Variants in NAA60 observed in about 807,000 individuals in gnomAD.
NAA60 encodes the protein N-alpha-acetyltransferase 60, NatF catalytic subunit.
In NAA60, 8 loss-of-function variants were observed where a neutral mutation model predicts 26.1. The ratio of observed to expected loss-of-function variants is 0.31; its 90% CI spans 0.18 to 0.55. The LOEUF (loss-of-function observed/expected upper bound fraction) is 0.55, where lower values mean the gene tolerates loss of function less well. Ranked by LOEUF, NAA60 falls within the 20% of genes least tolerant of loss-of-function variation. The pLI is 0.93. For synonymous variants in NAA60, 131 were observed against 122.5 expected (o/e 1.07, Z -0.46); for missense variants, 290 against 311.3 (o/e 0.93, Z 0.51).
At chr16:3,464,791 C>T (rs899845354) in intron 2 of NAA60, among the ~76,000 whole-genome samples, 3 of 152,158 alleles carry the variant, frequency 2.0e-5, no homozygotes, top group Non-Finnish European at 4.4e-5. Flanking sequence ...AAATATATTC[C>T]AGGCACAACC....
chr16:3,471,022 T>G (rs1247218471), intron 2 of NAA60, among the ~76,000 whole-genome samples: 1 of 152,198 alleles, frequency 6.6e-6, no homozygotes, highest in Non-Finnish European at 1.5e-5. Context: ...GCACTTTTAG[T>G]AGGGATTTGA....
At chr16:3,464,596 A>T (rs772514688) in intron 2 of NAA60, among the ~76,000 whole-genome samples, 2 of 152,136 alleles carry the variant, frequency 1.3e-5, no homozygotes, top group African/African-American at 2.4e-5. Context: ...GAACAGACAG[A>T]TTCTTGGTTG....
intron 2 of NAA60, among the ~76,000 whole-genome samples, chr16:3,471,592 T>C (rs762706257): frequency 3.9e-5 from 6 of 152,136 alleles, no homozygotes; most frequent in Non-Finnish European, 8.8e-5. Flanking sequence ...GTCAAGGCCT[T>C]GCCAACCCCA....
chr16:3,463,723 A>T (rs928048694), intron 2 of NAA60, among the ~76,000 whole-genome samples: 1 of 151,622 alleles, frequency 6.6e-6, no homozygotes, highest in East Asian at 1.9e-4. Context: ...AAAAAAATTC[A>T]ACCTAGACTT....
At chr16:3,446,206 A>G (rs1340363753) in intron 1 of NAA60, among the ~76,000 whole-genome samples, 1 of 152,182 alleles carries the variant, frequency 6.6e-6, no homozygotes, top group Non-Finnish European at 1.5e-5. Context: ...TAAAACTAAC[A>G]TCATTACAAA....
chr16:3,471,460 G>A lies in NAA60; in HGVS notation c.-6-4762G>A, dbSNP rs61082524. Among the ~76,000 whole-genome samples, 37 of 152,182 alleles carry A rather than the reference G, an allele frequency of 2.4e-4. 1 individual carries two copies. The East Asian group carries it at 7.0e-3, about 29-fold the overall frequency. ...GGAGCTTGCAGTGAACCGAGATCGC[G>A]CCAGTGCACTCCAGCCTTGGGGGGC... On this transcript the variant is annotated intron_variant, in intron 2 of 7. Transcript: ENST00000407558.
chr16:3,474,612 C>A (rs1002442295), intron 2 of NAA60, among the ~76,000 whole-genome samples: 1 of 152,216 alleles, frequency 6.6e-6, no homozygotes, highest in African/African-American at 2.4e-5. Context: ...AGGCTGGGCT[C>A]GCCCTGCCAG....
At chr16:3,447,325 A>G (rs539278012) in intron 1 of NAA60, among the ~76,000 whole-genome samples, 3 of 152,344 alleles carry the variant, frequency 2.0e-5, no homozygotes, top group African/African-American at 4.8e-5. Flanking sequence ...TTATGGGTAC[A>G]TAGTAGGTGT....
rs998504341 is a variant in NAA60, at chr16:3,468,246, G to A, written c.-6-7976G>A. ...GGTTGCAGGAGGGGACCAATCAGAG[G>A]TACTTTCAGTTCTTGATCTGCTTGG... On this transcript the variant is annotated intron_variant, in intron 2 of 7. Transcript: ENST00000407558. The A allele has an allele frequency of 5.9e-5, 9 of 152,352 alleles. No individual in the cohort carries two copies. The Middle Eastern group carries it at 0.017, about 288-fold the overall frequency. 9.4% of individuals were successfully genotyped at this position (152,352 alleles called of 1,614,324 possible).
chr16:3,450,720 A>G (rs578253539), intron 2 of NAA60, among the ~76,000 whole-genome samples: 5,140 of 148,854 alleles, frequency 0.035, 233 homozygotes, highest in South Asian at 0.12. Flanking sequence ...AAAAAAAAAA[A>G]AAAAGAAAGT....
At chr16:3,459,852 T>C (rs2035262849) in intron 2 of NAA60, among the ~76,000 whole-genome samples, 1 of 152,192 alleles carries the variant, frequency 6.6e-6, no homozygotes, top group Non-Finnish European at 1.5e-5. Flanking sequence ...GCCGGGACAG[T>C]ATGGAGAGTA....
chr16:3,459,215 C>T (rs919333601), intron 2 of NAA60, among the ~76,000 whole-genome samples: 2 of 152,156 alleles, frequency 1.3e-5, no homozygotes, highest in Non-Finnish European at 2.9e-5. Context: ...AGGCATAAAA[C>T]CCTTAGTTAA....
At chr16:3,455,390 T>TTTG (rs1466608131) in intron 2 of NAA60, among the ~76,000 whole-genome samples, 1 of 142,060 alleles carries the variant, frequency 7.0e-6, no homozygotes, top group African/African-American at 2.7e-5. Flanking sequence ...TTTTTAGTTT[T>TTTG]TTTTTTTTTT....
chr16:3,467,054 G>C (rs1262711805), intron 2 of NAA60, among the ~76,000 whole-genome samples: 3 of 152,140 alleles, frequency 2.0e-5, no homozygotes, highest in Non-Finnish European at 2.9e-5. Context: ...GGTGCGGAAA[G>C]CCTGACATTG....
At chr16:3,467,504 C>A (rs1318309091) in intron 2 of NAA60, among the ~76,000 whole-genome samples, 1 of 152,090 alleles carries the variant, frequency 6.6e-6, no homozygotes, top group Non-Finnish European at 1.5e-5. Flanking sequence ...GAGGAGGAGT[C>A]CCCCGTGGAC....
intron 1 of NAA60, among the ~76,000 whole-genome samples, chr16:3,446,854 G>A (rs989672735): frequency 4.6e-5 from 7 of 151,676 alleles, no homozygotes; most frequent in South Asian, 4.2e-4. Context: ...CAAGTGATCC[G>A]CCCATGTCAG....
intron 2 of NAA60, among the ~76,000 whole-genome samples, chr16:3,451,847 G>A (rs1388627425): frequency 1.3e-5 from 2 of 151,946 alleles, no homozygotes; most frequent in African/African-American, 4.8e-5. Flanking sequence ...GAGCCCAGGA[G>A]GCAGAAATTG....
chr16:3,471,914 C>G (rs962359303), intron 2 of NAA60, among the ~76,000 whole-genome samples: 3 of 152,158 alleles, frequency 2.0e-5, no homozygotes, highest in Non-Finnish European at 2.9e-5. Flanking sequence ...ATCGAGGAAC[C>G]AGCCTCTGCC....
chr16:3,457,922 GCCCGCTCCCA>G, intron 2 of NAA60: 1 of 948,374 alleles, frequency 1.1e-6, no homozygotes, highest in Non-Finnish European at 1.3e-6. Flanking sequence ...CTCCCAACCT[GCCCGCTCCCA>G]ACATGGCGGC....
Sources: allele counts gnomAD v4.1 joint callset (sites outside exome capture counted in the v4.1 genomes callset), GRCh38; gene constraint gnomAD v4.1.1; transcripts MANE v1.5; gene names NCBI Gene and HGNC (gene_info 2026-07-23, HGNC 2026-07-21).